Variants in SLC4A10 observed in about 807,000 individuals in gnomAD.
SLC4A10 encodes solute carrier family 4 member 10.
SLC4A10 carries 42 observed loss-of-function variants against 137.7 expected under a neutral mutation model. The ratio of observed to expected loss-of-function variants is 0.30; its 90% CI spans 0.24 to 0.39. The LOEUF (loss-of-function observed/expected upper bound fraction) is 0.39. SLC4A10 is among the 10% of genes least tolerant of loss of function. The pLI is 1.00. For missense variants in SLC4A10, 925 were observed against 1,355.0 expected (o/e 0.68, Z 4.98); for synonymous variants, 474 against 464.1 (o/e 1.02, Z -0.27).
At chr2:161,784,845 A>G (rs962236083) in intron 2 of SLC4A10, among the ~76,000 whole-genome samples, 1 of 149,048 alleles carries the variant, frequency 6.7e-6, no homozygotes, top group Non-Finnish European at 1.5e-5. Context: ...AAGGGACTAG[A>G]AAAAAAAAAC....
chr2:161,859,670 G>A (rs1482029847), intron 5 of SLC4A10, among the ~76,000 whole-genome samples: 6 of 134,136 alleles, frequency 4.5e-5, no homozygotes, highest in Non-Finnish European at 6.2e-5. Context: ...GCGCAATCTC[G>A]GCTCACTGCA....
chr2:161,730,585 G>A (rs1239258326), intron 1 of SLC4A10, among the ~76,000 whole-genome samples: 2 of 152,058 alleles, frequency 1.3e-5, no homozygotes, highest in Admixed American at 6.6e-5. Context: ...AAATAGAGCC[G>A]ACTTCCTTGT....
chr2:161,881,547 T>C (rs865862573), intron 9 of SLC4A10, among the ~76,000 whole-genome samples: 2 of 152,176 alleles, frequency 1.3e-5, no homozygotes, highest in Middle Eastern at 6.8e-3. Context: ...GTGAAGTCAT[T>C]AGTCTTCATA....
chr2:161,842,791 T>A (rs2059265598), intron 4 of SLC4A10, among the ~76,000 whole-genome samples: 2 of 152,158 alleles, frequency 1.3e-5, no homozygotes, highest in African/African-American at 4.8e-5. Context: ...CTTTATTTGG[T>A]GACAGAAAGG....
chr2:161,936,945 T>C (rs1303357268), intron 15 of SLC4A10, among the ~76,000 whole-genome samples: 1 of 152,200 alleles, frequency 6.6e-6, no homozygotes, highest in Non-Finnish European at 1.5e-5. Context: ...TCTTTCTCCC[T>C]TTTTGATGTA....
intron 15 of SLC4A10, among the ~76,000 whole-genome samples, chr2:161,920,668 A>G (rs773550079): frequency 2.7e-4 from 41 of 152,214 alleles, no homozygotes; most frequent in Non-Finnish European, 4.7e-4. Context: ...AGTATGAGCT[A>G]ATCTGGGGGA....
At chr2:161,783,732 T>TA (rs1011811878) in intron 2 of SLC4A10, among the ~76,000 whole-genome samples, 4 of 151,520 alleles carry the variant, frequency 2.6e-5, no homozygotes, top group African/African-American at 9.7e-5. Context: ...AGGTATTATA[T>TA]AAACCCCATG....
chr2:161,772,143 G>A (rs1457006103), intron 2 of SLC4A10, among the ~76,000 whole-genome samples: 2 of 151,766 alleles, frequency 1.3e-5, no homozygotes, highest in Non-Finnish European at 2.9e-5. Context: ...TGCTTACTGG[G>A]GGGGCCTATT....
rs1430538324 is a variant in SLC4A10 at position 161,873,978 on chromosome 2, A to G, written c.921A>G (p.Lys307=). ...GTGGGATGAAACAAAGGCATGAAAA[A>G]GGACCTCCACACCAGCAAGAGAGAG... ...SPCGMKQRHE[K]GPPHQQEREV... is the part of the protein sequence containing the mutation. Residue 307 remains lysine, a synonymous_variant, in exon 8 of 27, where the codon AAA becomes AAG. Coordinates refer to ENST00000446997, the MANE Select transcript of SLC4A10 (RefSeq NM_001178015.2). 6 of 1,592,618 alleles carry G rather than the reference A, an allele frequency of 3.8e-6. No homozygotes were observed. The highest frequency in any genetic ancestry group is 1.7e-5 in the Admixed American group (1 of 59,424).
chr2:161,827,531 C>A (rs2058093035), intron 3 of SLC4A10, among the ~76,000 whole-genome samples: 1 of 152,120 alleles, frequency 6.6e-6, no homozygotes, highest in Non-Finnish European at 1.5e-5. Context: ...CCATCACCCC[C>A]TATCTCTAAT....
intron 1 of SLC4A10, among the ~76,000 whole-genome samples, chr2:161,637,420 C>T (rs537510657): frequency 7.9e-5 from 12 of 152,044 alleles, no homozygotes; most frequent in African/African-American, 2.9e-4. Flanking sequence ...AGGCTGGTCT[C>T]GAACTCCTGA....
chr2:161,769,780 CT>C (rs2051342335), intron 1 of SLC4A10, among the ~76,000 whole-genome samples: 3 of 151,720 alleles, frequency 2.0e-5, no homozygotes, highest in Non-Finnish European at 2.9e-5. Context: ...TTTCCTCCCC[CT>C]CTCTCTGTTC....
chr2:161,812,078 A>G (rs1195863764), intron 3 of SLC4A10, among the ~76,000 whole-genome samples: 1 of 152,006 alleles, frequency 6.6e-6, no homozygotes, highest in Non-Finnish European at 1.5e-5. Flanking sequence ...TTCAGTAACT[A>G]TTGCAGATAA....
chr2:161,882,090 AC>A (rs1487239519), intron 9 of SLC4A10, among the ~76,000 whole-genome samples: 1 of 151,696 alleles, frequency 6.6e-6, no homozygotes, highest in East Asian at 1.9e-4. Context: ...TAACAACTGC[AC>A]ATGCTGTACA....
chr2:161,791,558 A>G (rs1021021614), intron 2 of SLC4A10, among the ~76,000 whole-genome samples: 1 of 152,132 alleles, frequency 6.6e-6, no homozygotes, highest in Non-Finnish European at 1.5e-5. Flanking sequence ...CTGTGCAGCA[A>G]ACCACCGTGG....
chr2:161,657,449 G>C (rs62188983), intron 1 of SLC4A10, among the ~76,000 whole-genome samples: 12,479 of 151,990 alleles, frequency 0.082, 584 homozygotes, highest in East Asian at 0.14. Context: ...TAAGCTATTA[G>C]TTGAGTAAAG....
At chr2:161,982,803 G>A (rs1038373604) in intron 26 of SLC4A10, among the ~76,000 whole-genome samples, 1 of 152,190 alleles carries the variant, frequency 6.6e-6, no homozygotes, top group African/African-American at 2.4e-5. Context: ...TCTTGTTTGT[G>A]TCATTTACTA....
chr2:161,981,102 A>C (rs1425040237), intron 26 of SLC4A10, among the ~76,000 whole-genome samples: 1 of 152,284 alleles, frequency 6.6e-6, no homozygotes, highest in Non-Finnish European at 1.5e-5. Context: ...TTTTGTAACC[A>C]AACAACCAAA....
At chr2:161,626,444 T>C (rs1411840423) in intron 1 of SLC4A10, among the ~76,000 whole-genome samples, 1 of 151,926 alleles carries the variant, frequency 6.6e-6, no homozygotes, top group Non-Finnish European at 1.5e-5. Flanking sequence ...AAGGCCAGAG[T>C]CAAAAGTTTG....
Sources: allele counts gnomAD v4.1 joint callset (sites outside exome capture counted in the v4.1 genomes callset), GRCh38; gene constraint gnomAD v4.1.1; transcripts MANE v1.5; gene names NCBI Gene and HGNC (gene_info 2026-07-23, HGNC 2026-07-21).